The following PPP2R2B variants were observed in gnomAD, a reference collection of about 807,000 sequenced individuals.
PPP2R2B encodes the protein serine/threonine-protein phosphatase 2A 55 kDa regulatory subunit B beta isoform.
PPP2R2B carries 5 observed loss-of-function variants against 46.0 expected under a neutral mutation model. The observed-to-expected ratio is 0.11, with a 90% CI of 0.06 to 0.23. PPP2R2B has a LOEUF of 0.23. Among genes scored for constraint, PPP2R2B ranks in the 10% least tolerant of loss-of-function variants. The probability of loss-of-function intolerance (pLI) is 1.00; values close to 1 mark genes in which losing one functional copy is unlikely to be tolerated. For synonymous variants in PPP2R2B, 215 were observed against 206.7 expected (o/e 1.04, Z -0.34); for missense variants, 367 against 575.0 (o/e 0.64, Z 3.70).
intron 4 of PPP2R2B, among the ~76,000 whole-genome samples, chr5:146,695,401 T>C (rs1194218256): frequency 6.6e-6 from 1 of 152,206 alleles, no homozygotes; most frequent in Non-Finnish European, 1.5e-5. Context: ...AAACAATGTG[T>C]TTTTATGTCA....
chr5:146,853,797 A>G (rs1160129739), intron 2 of PPP2R2B, among the ~76,000 whole-genome samples: 2 of 152,026 alleles, frequency 1.3e-5, no homozygotes, highest in African/African-American at 4.8e-5. Context: ...CTGAGGTGGG[A>G]CTAACCATCA....
At chr5:146,974,969 G>A (rs966387231) in intron 1 of PPP2R2B, among the ~76,000 whole-genome samples, 11 of 152,046 alleles carry the variant, frequency 7.2e-5, no homozygotes, top group African/African-American at 2.2e-4. Flanking sequence ...GACTACAGGC[G>A]TGAACCACCG....
At chr5:146,797,331 T>TA (rs1756601474) in intron 2 of PPP2R2B, among the ~76,000 whole-genome samples, 1 of 152,232 alleles carries the variant, frequency 6.6e-6, no homozygotes, top group Non-Finnish European at 1.5e-5. Flanking sequence ...GCTACCCTGC[T>TA]AAACAACCTC....
At chr5:146,731,625 G>C (rs986249127) in intron 2 of PPP2R2B, among the ~76,000 whole-genome samples, 5 of 152,128 alleles carry the variant, frequency 3.3e-5, no homozygotes, top group African/African-American at 1.2e-4. Flanking sequence ...GCAAAACCTT[G>C]GGAGAGTCAG....
At chr5:146,692,643 C>T (rs1415335223) in intron 4 of PPP2R2B, among the ~76,000 whole-genome samples, 3 of 150,740 alleles carry the variant, frequency 2.0e-5, no homozygotes, top group Non-Finnish European at 2.9e-5. Flanking sequence ...ATGACATTCT[C>T]CTACCTCAGC....
At chr5:146,971,197 T>C (rs1752647632) in intron 1 of PPP2R2B, among the ~76,000 whole-genome samples, 1 of 152,206 alleles carries the variant, frequency 6.6e-6, no homozygotes, top group Non-Finnish European at 1.5e-5. Flanking sequence ...CATATGTTCA[T>C]ATCTTTAAAA....
chr5:147,041,189 C>T (rs1045855489), intron 1 of PPP2R2B, among the ~76,000 whole-genome samples: 1 of 152,138 alleles, frequency 6.6e-6, no homozygotes, highest in African/African-American at 2.4e-5. Flanking sequence ...AGATGGTGGG[C>T]AGGATCTAAA....
At chr5:146,973,838 A>T (rs1371610129) in intron 1 of PPP2R2B, among the ~76,000 whole-genome samples, 1 of 152,212 alleles carries the variant, frequency 6.6e-6, no homozygotes, top group Non-Finnish European at 1.5e-5. Context: ...TGTCAGGGTC[A>T]GTCACTGCAT....
At chr5:146,767,569 T>A (rs980252707) in intron 2 of PPP2R2B, among the ~76,000 whole-genome samples, 1 of 152,004 alleles carries the variant, frequency 6.6e-6, no homozygotes, top group Non-Finnish European at 1.5e-5. Flanking sequence ...TATATATATA[T>A]ATTTAGTAGA....
intron 7 of PPP2R2B, among the ~76,000 whole-genome samples, chr5:146,632,446 A>G (rs1361580074): frequency 6.6e-6 from 1 of 152,210 alleles, no homozygotes; most frequent in Non-Finnish European, 1.5e-5. Context: ...CTGGTAAACC[A>G]ATATGTCTTT....
rs138986426 is a variant in PPP2R2B at position 146,921,534 on chromosome 5, A to C, written c.79+134131T>G. ...CTCTTACAAGCTTTTACTGACACTT[A>C]AGATTTCGTTTCTTAGAGAGACATG... On this transcript the variant is annotated intron_variant, in intron 1 of 8. Transcript: ENST00000336640. Among the ~76,000 whole-genome samples the C allele has an allele frequency of 1.9e-3, 286 of 152,346 alleles. 1 individual carries two copies. The highest frequency in any genetic ancestry group is 6.1e-3 in the African/African-American group (255 of 41,580).
At chr5:146,714,853 AC>A (rs1780404346) in intron 2 of PPP2R2B, among the ~76,000 whole-genome samples, 1 of 150,890 alleles carries the variant, frequency 6.6e-6, no homozygotes, top group African/African-American at 2.4e-5. Context: ...CTGACCTCAC[AC>A]CTCTTCTTTC....
At chr5:147,071,251 G>C (rs746498270) in intron 2 of PPP2R2B, among the ~76,000 whole-genome samples, 4 of 152,106 alleles carry the variant, frequency 2.6e-5, no homozygotes, top group Admixed American at 6.5e-5. Flanking sequence ...TTCACCTAGG[G>C]AATTTATCAG....
chr5:146,787,112 C>G (rs1755886926), intron 2 of PPP2R2B, among the ~76,000 whole-genome samples: 1 of 152,192 alleles, frequency 6.6e-6, no homozygotes, highest in African/African-American at 2.4e-5. Flanking sequence ...CAAACACACA[C>G]ACAAAAATAG....
At chr5:146,856,319 CTA>C (rs1270331850) in intron 2 of PPP2R2B, among the ~76,000 whole-genome samples, 1 of 152,148 alleles carries the variant, frequency 6.6e-6, no homozygotes, top group Non-Finnish European at 1.5e-5. Context: ...TGTACAATAA[CTA>C]TTTAAAAAAT....
At chr5:146,983,398 T>C (rs865857306) in intron 1 of PPP2R2B, among the ~76,000 whole-genome samples, 2 of 152,228 alleles carry the variant, frequency 1.3e-5, no homozygotes, top group Admixed American at 1.3e-4. Flanking sequence ...GCCAGGATGG[T>C]CTTGATCTCC....
intron 6 of PPP2R2B, 31 bp downstream of exon 6, chr5:146,650,516 C>T: frequency 1.3e-6 from 2 of 1,595,532 alleles, no homozygotes; most frequent in Non-Finnish European, 1.7e-6. Flanking sequence ...TAATTCAGGC[C>T]AGTTGATTCT....
In PPP2R2B at chr5:146,673,870, A is replaced by G. The variant is rs1395386000; in HGVS notation, c.447+17258T>C. ...GAATCTCAAACTGAGGATTTTTTTC[A>G]TCATCATCTTATCTGCACTTGCAGT... On this transcript the variant is annotated intron_variant, in intron 5 of 9. Transcript: ENST00000394411. Among the ~76,000 whole-genome samples, 4 of 152,166 alleles carry G rather than the reference A, an allele frequency of 2.6e-5. No homozygotes were observed. The East Asian group carries it at 7.7e-4, about 29-fold the overall frequency.
At chr5:146,934,930 G>C (rs1409095236) in intron 1 of PPP2R2B, among the ~76,000 whole-genome samples, 1 of 152,064 alleles carries the variant, frequency 6.6e-6, no homozygotes, top group Non-Finnish European at 1.5e-5. Context: ...TGGAAAAAAA[G>C]ATGGGAAATT....
Sources: gnomAD v4.1 joint callset for allele counts (sites outside exome capture counted in the v4.1 genomes callset) on GRCh38, gnomAD v4.1.1 for gene constraint, MANE v1.5 for transcripts, NCBI Gene and HGNC (gene_info 2026-07-23, HGNC 2026-07-21) for gene names.